SLCO2A1: variants seen among roughly 807,000 people sequenced by gnomAD.
SLCO2A1 encodes the protein solute carrier organic anion transporter family member 2A1.
Under a neutral mutation model 71.7 loss-of-function variants are expected in SLCO2A1, and 60 were observed. That is an observed-to-expected ratio of 0.84 (90% CI 0.68 to 1.04). SLCO2A1 has a LOEUF of 1.04. SLCO2A1 is among the 50% of genes least tolerant of loss of function. The pLI is 0.00. For missense variants in SLCO2A1, 745 were observed against 813.4 expected (o/e 0.92, Z 1.02); for synonymous variants, 308 against 326.7 (o/e 0.94, Z 0.62).
At chr3:133,974,885 G>T (rs1368735715) in intron 2 of SLCO2A1, among the ~76,000 whole-genome samples, 1 of 152,202 alleles carries the variant, frequency 6.6e-6, no homozygotes, top group Non-Finnish European at 1.5e-5. Context: ...TCCTATGTCA[G>T]GAAACAGAGG....
In SLCO2A1 at chr3:133,948,400, C is replaced by G. The variant is rs1406417827; in HGVS notation, c.1105+136G>C. Reference sequence around the variant, plus strand: ...AACCAGGAAAACTGTCCTTAAAATTCTTTCTCCTGGGCAGTCCTCCTCCGG... The same window carrying G: ...AACCAGGAAAACTGTCCTTAAAATTGTTTCTCCTGGGCAGTCCTCCTCCGG... On this transcript the variant is annotated intron_variant, in intron 8 of 13. Transcript: ENST00000310926. 7.2e-6 allele frequency: 6 copies of G among 829,384 alleles called. No individual in the cohort carries two copies. The African/African-American group carries it at 1.0e-4, about 14-fold the overall frequency. 51.4% of individuals were successfully genotyped at this position (829,384 alleles called of 1,614,324 possible). A position where few individuals can be genotyped will look rare whatever the true frequency, so the allele number is the denominator to read the frequency against.
chr3:133,987,408 C>T (rs367739579), intron 1 of SLCO2A1, among the ~76,000 whole-genome samples: 6 of 151,928 alleles, frequency 3.9e-5, no homozygotes, highest in Non-Finnish European at 8.8e-5. Context: ...AACCTCTTAT[C>T]GCAACCCAGA....
chr3:134,018,393 A>G (rs771147770), intron 1 of SLCO2A1, among the ~76,000 whole-genome samples: 3 of 152,162 alleles, frequency 2.0e-5, no homozygotes, highest in Non-Finnish European at 4.4e-5. Context: ...ATGCCTCCCC[A>G]TTGCTGGGGG....
intron 1 of SLCO2A1, among the ~76,000 whole-genome samples, chr3:134,008,524 C>T (rs1935269113): frequency 6.6e-6 from 1 of 152,200 alleles, no homozygotes; most frequent in Admixed American, 6.5e-5. Flanking sequence ...TGAAAACCCA[C>T]CCAAGAATGT....
rs1933233322 is a variant in SLCO2A1 at position 133,934,979 on chromosome 3, C to A, written c.1815-149G>T. 10 of 631,920 alleles carry A rather than the reference C, an allele frequency of 1.6e-5. No homozygotes were observed. The South Asian group carries it at 1.7e-4, about 11-fold the overall frequency. The allele number at this position is 631,920 out of a possible 1,614,324, so 39.1% of individuals were successfully genotyped here. ...CAGGTGAGGATCACTTTCCTCATTT[C>A]TTTGACCCAAAAGGGAACAAAGCTG... On this transcript the variant is annotated intron_variant, in intron 13 of 13. Transcript: ENST00000310926.
At chr3:134,015,087 C>T (rs1235493131) in intron 1 of SLCO2A1, among the ~76,000 whole-genome samples, 1 of 152,118 alleles carries the variant, frequency 6.6e-6, no homozygotes, top group Non-Finnish European at 1.5e-5. Context: ...ATTTGGTATC[C>T]ATAAGATAAA....
rs756984222 is a variant in SLCO2A1 at position 133,951,342 on chromosome 3, C to A, written c.727G>T (p.Ala243Ser). The A allele has an allele frequency of 3.1e-6, 5 of 1,614,024 alleles. No homozygotes were observed. The highest frequency in any genetic ancestry group is 4.2e-6 in the Non-Finnish European group (5 of 1,179,972). ...FVDYGRVNTA[A>S]VNLVPGDPRW... Reference sequence around the variant, plus strand: ...GGGTCACCCGGGACCAAGTTAACTGCAGCTGAAGAGAAAACGAAGAGTGCA... The same window carrying A: ...GGGTCACCCGGGACCAAGTTAACTGAAGCTGAAGAGAAAACGAAGAGTGCA... Residue 243 changes from alanine to serine, a missense_variant and splice_region_variant, in exon 6 of 14, where the codon GCA (alanine) becomes TCA (serine). By Grantham distance (99) the Ala-to-Ser change is moderately conservative. Coordinates refer to ENST00000310926, the MANE Select transcript of SLCO2A1 (RefSeq NM_005630.3).
chr3:134,023,574 T>C (rs1935640171), intron 1 of SLCO2A1, among the ~76,000 whole-genome samples: 1 of 152,174 alleles, frequency 6.6e-6, no homozygotes, highest in African/African-American at 2.4e-5. Context: ...GTTGGTCCAA[T>C]GTTCTGTGGA....
At chr3:134,016,214 G>C (rs1407743412) in intron 1 of SLCO2A1, among the ~76,000 whole-genome samples, 1 of 152,004 alleles carries the variant, frequency 6.6e-6, no homozygotes, top group African/African-American at 2.4e-5. Context: ...CATTTTCTCT[G>C]TAAAATACCT....
rs1933844967 is a variant in SLCO2A1 at position 133,954,972 on chromosome 3, A to G, written c.619T>C (p.Tyr207His). ...DFSEPSNSPL[Y>H]ISILFAISVF... ...CTTCAAGCCGGTGACTCACAGATGT[A>G]CAGGGGCGAGTTGCTGGGCTCTGAG... Residue 207 changes from tyrosine to histidine, a missense_variant, in exon 4 of 14, where the codon TAC becomes CAC. Tyr to His is a moderately conservative substitution (Grantham distance 83). Coordinates refer to ENST00000310926, the MANE Select transcript of SLCO2A1 (RefSeq NM_005630.3). The G allele has an allele frequency of 1.9e-6, 3 of 1,613,742 alleles. No individual in the cohort carries two copies. Among genetic ancestry groups the G allele is most frequent in the African/African-American group, 1.3e-5 (1 of 75,046 alleles).
intron 1 of SLCO2A1, among the ~76,000 whole-genome samples, chr3:134,025,419 G>C (rs953118950): frequency 6.6e-6 from 1 of 152,066 alleles, no homozygotes; most frequent in Non-Finnish European, 1.5e-5. Context: ...GAGGACTGGT[G>C]AGGGCTCACA....
chr3:133,941,032 C>T (rs1057397996), intron 11 of SLCO2A1, among the ~76,000 whole-genome samples: 1 of 152,118 alleles, frequency 6.6e-6, no homozygotes. Context: ...AACTGACACA[C>T]CCTAAGTTTT....
At chr3:133,989,834 C>T (rs7642556) in intron 1 of SLCO2A1, among the ~76,000 whole-genome samples, 33,483 of 152,182 alleles carry the variant, frequency 0.22, 3,786 homozygotes, top group South Asian at 0.26. Flanking sequence ...GAGGATTTAG[C>T]ACAGTTATAA....
At position 133,953,038 on chromosome 3, in the gene SLCO2A1, A is replaced by AT. The variant is rs974141869; in HGVS notation, c.724+624dup. 8.8e-4 allele frequency among the ~76,000 whole-genome samples: 130 copies of AT among 147,536 alleles called. No homozygotes were observed. The East Asian group carries it at 0.016, about 18-fold the overall frequency. On this transcript the variant is annotated intron_variant, in intron 5 of 13. Coordinates refer to ENST00000310926, the MANE Select transcript of SLCO2A1 (RefSeq NM_005630.3). ...CATCTTAGAATCAAAGAACCATAGA[A>AT]TTTTTTTTTTTTCTTTCAGACAGAG...
At chr3:133,986,330 C>G (rs758002352) in intron 1 of SLCO2A1, among the ~76,000 whole-genome samples, 17 of 152,102 alleles carry the variant, frequency 1.1e-4, no homozygotes, top group Non-Finnish European at 2.1e-4. Context: ...ATTCAAGAGT[C>G]CTATTTTGAC....
intron 12 of SLCO2A1, among the ~76,000 whole-genome samples, chr3:133,936,624 C>G (rs13064020): frequency 0.34 from 51,025 of 151,992 alleles, 8,860 homozygotes; most frequent in Middle Eastern, 0.51. Flanking sequence ...TACTGGACTG[C>G]GGAGGGCTTG....
intron 11 of SLCO2A1, among the ~76,000 whole-genome samples, chr3:133,939,277 C>T (rs780837997): frequency 3.9e-5 from 6 of 152,254 alleles, no homozygotes; most frequent in East Asian, 1.9e-4. Flanking sequence ...GAGCAGGGGA[C>T]GGCCCTGCCA....
chr3:134,029,514 ACACACACACGCTCACACACACACTCG>A (rs1382226370), intron 1 of SLCO2A1, among the ~76,000 whole-genome samples, 167 bp downstream of exon 1: 1 of 142,270 alleles, frequency 7.0e-6, no homozygotes, highest in Non-Finnish European at 1.5e-5. Flanking sequence ...ACACGCTCAC[ACACACACACGCTCACACACACACTCG>A]CACACACACG....
intron 3 of SLCO2A1, among the ~76,000 whole-genome samples, chr3:133,968,647 T>A (rs1261898962): frequency 6.6e-6 from 1 of 152,264 alleles, no homozygotes; most frequent in Non-Finnish European, 1.5e-5. Flanking sequence ...TGTCTGCATG[T>A]GGGCAGACTT....
Sources: allele counts gnomAD v4.1 joint callset (sites outside exome capture counted in the v4.1 genomes callset), GRCh38; gene constraint gnomAD v4.1.1; transcripts MANE v1.5; gene names NCBI Gene and HGNC (gene_info 2026-07-23, HGNC 2026-07-21).